CNPY3: variants seen among roughly 807,000 people sequenced by gnomAD.
CNPY3 encodes canopy FGF signaling regulator 3, also known as protein canopy homolog 3.
A neutral mutation model predicts 32.0 loss-of-function variants in CNPY3; 20 were observed. The observed-to-expected ratio is 0.63, with a 90% CI of 0.44 to 0.91. The LOEUF (loss-of-function observed/expected upper bound fraction) is 0.91, where lower values mean the gene tolerates loss of function less well. CNPY3 is among the 40% of genes least tolerant of loss of function. The pLI is 0.00. For synonymous variants in CNPY3, 138 were observed against 142.9 expected, an observed-to-expected ratio of 0.97 and a Z score of 0.24; for missense variants, 299 against 340.8, an observed-to-expected ratio of 0.88 and a Z score of 0.97.
At chr6:42,937,615 T>G (rs565418772) in intron 3 of CNPY3, 102 bp from the exon 4 acceptor site, 2 of 1,237,282 alleles carry the variant, frequency 1.6e-6, no homozygotes, top group Non-Finnish European at 2.3e-6. Context: ...TTAGAGGGCG[T>G]TGAGCATTGG....
At chr6:42,934,106 CTCA>C (rs1326540948) in intron 1 of CNPY3, among the ~76,000 whole-genome samples, 5 of 151,400 alleles carry the variant, frequency 3.3e-5, no homozygotes, top group Non-Finnish European at 7.4e-5. Flanking sequence ...GAGCTGAGAT[CTCA>C]TCATTGTACT....
intron 2 of CNPY3, among the ~76,000 whole-genome samples, chr6:42,935,046 T>G (rs1768117447): frequency 6.6e-6 from 1 of 152,072 alleles, no homozygotes; most frequent in South Asian, 2.1e-4. Flanking sequence ...CTGTATTTTT[T>G]TAGTAGAGAT....
chr6:42,929,774 G>T, intron 1 of CNPY3, 53 bp downstream of exon 1: 6 of 1,508,554 alleles, frequency 4.0e-6, no homozygotes, highest in Admixed American at 4.2e-5. Context: ...TGGCTCCAGC[G>T]GTGGTGCTTG....
rs9471969 is a variant in CNPY3 at position 42,938,646 on chromosome 6, G to T, written c.692G>T (p.Ser231Ile). ...GGGAAGAAGTCCAAGAAGAAGAGCA[G>T]CAGGGCCAAGGCAGCAGGCGGCAGG... is the stretch of plus-strand genomic sequence containing the variant. ...LGGKKSKKKS[S>I]RAKAAGGRSS... Residue 231 changes from serine to isoleucine, a missense_variant, in exon 6 of 6, where the codon AGC becomes ATC. This residue lies in a region of CNPY3 where 211 missense variants were observed against 278.3 expected (regional missense o/e 0.76). Coordinates refer to ENST00000372836, the MANE Select transcript of CNPY3 (RefSeq NM_006586.5). 398,081 of 1,611,198 alleles carry T rather than the reference G, an allele frequency of 0.25. 51,289 individuals are homozygous for T. The highest frequency in any genetic ancestry group is 0.32 in the Middle Eastern group (1,964 of 6,056).
At chr6:42,928,860 TAG>T (rs1239942578), upstream of CNPY3, among the ~76,000 whole-genome samples, 2 of 152,162 alleles carry the variant, frequency 1.3e-5, no homozygotes, top group African/African-American at 4.8e-5. Flanking sequence ...CCACAGCAGC[TAG>T]GAGGATCACT....
At chr6:42,932,921 T>A (rs1767935483) in intron 1 of CNPY3, among the ~76,000 whole-genome samples, 1 of 152,202 alleles carries the variant, frequency 6.6e-6, no homozygotes, top group South Asian at 2.1e-4. Context: ...AGACTGGTAT[T>A]CCATTCAGAG....
In CNPY3 at chr6:42,929,628, C is replaced by A; in HGVS notation, c.58C>A (p.Leu20Met). Residue 20 changes from leucine to methionine, a missense_variant, in exon 1 of 6, where the codon CTG becomes ATG. By Grantham distance (15) the Leu-to-Met change is conservative. This residue lies in a region of CNPY3 where 88 missense variants were observed against 62.5 expected (regional missense o/e 1.41). Coordinates refer to ENST00000372836, the MANE Select transcript of CNPY3 (RefSeq NM_006586.5). ...TCTTCTGCTTCTTCCCTTGCTGCTG[C>A]TGCTGCTGCTGCTGCTGCCGGCCCC... ...RCLLLLPLLL[L>M]LLLLLPAPEL... 6.4e-7 allele frequency: 1 copy of A among 1,553,722 alleles called. No homozygotes were observed. Among genetic ancestry groups the A allele is most frequent in the South Asian group, 1.2e-5 (1 of 84,618 alleles).
At position 42,938,173 on chromosome 6, in the gene CNPY3, C is replaced by G. The variant is rs1768367122; in HGVS notation, c.579C>G (p.Leu193=). The change falls in exon 5 of 6, where the codon CTC becomes CTG. Residue 193 remains leucine (L), a synonymous_variant. Coordinates refer to ENST00000372836, the MANE Select transcript of CNPY3 (RefSeq NM_006586.5). Reference sequence around the variant, plus strand: ...AGGAGGAAGACCTGACTGAATTCCTCTGCGCCAACCACGTGCTGAAGGGAA... The same window carrying G: ...AGGAGGAAGACCTGACTGAATTCCTGTGCGCCAACCACGTGCTGAAGGGAA... The part of the protein sequence containing the change: ...NHQEEDLTEF[L]CANHVLKGKD... 1.2e-6 allele frequency: 2 copies of G among 1,614,104 alleles called. No homozygotes were observed. Among genetic ancestry groups the G allele is most frequent in the South Asian group, 2.2e-5 (2 of 91,074 alleles).
In CNPY3 at chr6:42,932,258, C is replaced by T. The variant is rs553582757; in HGVS notation, c.152-2217C>T. Among the ~76,000 whole-genome samples the T allele has an allele frequency of 2.6e-5, 4 of 152,302 alleles. No homozygotes were observed. In the South Asian group the frequency reaches 8.3e-4, roughly 32 times the overall value. ...CAGTCACAGGATGGCTTGGCAAACT[C>T]CAACCGTTAGGTTCATCTTAATAGT... On this transcript the variant is annotated intron_variant, in intron 1 of 5. Transcript: ENST00000372836.
chr6:42,934,333 G>A, intron 1 of CNPY3, 142 bp from the exon 2 acceptor site: 1 of 964,788 alleles, frequency 1.0e-6, no homozygotes, highest in Non-Finnish European at 1.6e-6. Flanking sequence ...GCCTCCACAG[G>A]TTCTAACTCC....
chr6:42,930,562 C>G (rs1450167863), intron 1 of CNPY3, among the ~76,000 whole-genome samples: 1 of 152,084 alleles, frequency 6.6e-6, no homozygotes, highest in African/African-American at 2.4e-5. Context: ...GAGGGAGCTA[C>G]CAGCGAGCCA....
intron 4 of CNPY3, 26 bp downstream of exon 4, chr6:42,937,865 G>T: frequency 1.9e-6 from 3 of 1,613,754 alleles, no homozygotes; most frequent in Non-Finnish European, 2.5e-6. Context: ...CCCTTGGAAG[G>T]GTTGCTGTGC....
At chr6:42,934,113 T>C (rs1768037583) in intron 1 of CNPY3, among the ~76,000 whole-genome samples, 1 of 151,878 alleles carries the variant, frequency 6.6e-6, no homozygotes, top group Non-Finnish European at 1.5e-5. Context: ...GATCTCATCA[T>C]TGTACTCTAG....
intron 1 of CNPY3, among the ~76,000 whole-genome samples, chr6:42,930,126 G>A (rs1463946638): frequency 6.6e-6 from 1 of 152,096 alleles, no homozygotes; most frequent in African/African-American, 2.4e-5. Context: ...TGGAAAGAGA[G>A]GGGCCCACTC....
chr6:42,929,376 C>T (rs1048217), upstream of CNPY3: 6 of 613,578 alleles, frequency 9.8e-6, no homozygotes, highest in Admixed American at 3.0e-5. Context: ...AGCCTATTGG[C>T]TGCGCCGTCC....
chr6:42,932,737 C>T (rs1581704795), intron 1 of CNPY3, among the ~76,000 whole-genome samples: 1 of 152,148 alleles, frequency 6.6e-6, no homozygotes, highest in Admixed American at 6.6e-5. Context: ...CAGTTCATTG[C>T]AGACTTGAAG....
In CNPY3 at chr6:42,929,619, T is replaced by TTGCTGC. The variant is rs570105218; in HGVS notation, c.71_76dup (p.Leu24_Leu25dup). 48 of 1,560,468 alleles carry TTGCTGC rather than the reference T, an allele frequency of 3.1e-5. No individual in the cohort carries two copies. The highest frequency in any genetic ancestry group is 3.8e-5 in the Admixed American group (2 of 51,958). On this transcript the variant is annotated inframe_insertion, in exon 1 of 6. Coordinates refer to ENST00000372836, the MANE Select transcript of CNPY3 (RefSeq NM_006586.5). ...GTCCCGCTGTCTTCTGCTTCTTCCC[T>TTGCTGC]TGCTGCTGCTGCTGCTGCTGCTGCT...
chr6:42,928,564 G>C (rs1018501753), upstream of CNPY3, among the ~76,000 whole-genome samples: 1 of 152,168 alleles, frequency 6.6e-6, no homozygotes, highest in Non-Finnish European at 1.5e-5. Flanking sequence ...GATTACAGGC[G>C]TGAGCCATTA....
chr6:42,935,732 C>A, intron 3 of CNPY3, 62 bp downstream of exon 3: 3 of 1,540,708 alleles, frequency 1.9e-6, no homozygotes, highest in African/African-American at 1.4e-5. Flanking sequence ...CTTAGTGTGT[C>A]TGCTGGTGTG....
Sources: allele counts gnomAD v4.1 joint callset (sites outside exome capture counted in the v4.1 genomes callset), GRCh38; gene constraint gnomAD v4.1.1; regional missense constraint gnomAD v4.1.1; transcripts MANE v1.5; gene names NCBI Gene and HGNC (gene_info 2026-07-23, HGNC 2026-07-21).